Variants in AATF observed in about 807,000 individuals in gnomAD.
AATF encodes the protein protein AATF.
Under a neutral mutation model 63.7 loss-of-function variants are expected in AATF, and 48 were observed. The ratio of observed to expected loss-of-function variants is 0.75; its 90% CI spans 0.60 to 0.96. The LOEUF is 0.96. AATF is among the 40% of genes least tolerant of loss of function. AATF has a pLI of 0.00. For synonymous variants in AATF, 258 were observed against 247.7 expected, an observed-to-expected ratio of 1.04 and a Z score of -0.39; for missense variants, 639 against 685.7, an observed-to-expected ratio of 0.93 and a Z score of 0.76.
intron 8 of AATF, among the ~76,000 whole-genome samples, chr17:37,016,400 G>A (rs1049320078): frequency 2.6e-5 from 4 of 152,072 alleles, no homozygotes; most frequent in Non-Finnish European, 5.9e-5. Flanking sequence ...GGTTAAATAG[G>A]TTTCTGTGGC....
chr17:36,979,480 C>T (rs368476397), intron 4 of AATF, among the ~76,000 whole-genome samples: 1 of 151,982 alleles, frequency 6.6e-6, no homozygotes, highest in Non-Finnish European at 1.5e-5. Flanking sequence ...GCCAATATAT[C>T]GTGTGTCATT....
intron 4 of AATF, among the ~76,000 whole-genome samples, chr17:36,954,134 C>T (rs1174633754): frequency 6.9e-6 from 1 of 144,066 alleles, no homozygotes; most frequent in Non-Finnish European, 1.5e-5. Context: ...GTGGCGCGAT[C>T]ACAGGTTACT....
intron 11 of AATF, among the ~76,000 whole-genome samples, chr17:37,050,649 C>A (rs1567998969): frequency 6.6e-6 from 1 of 152,208 alleles, no homozygotes; most frequent in African/African-American, 2.4e-5. Flanking sequence ...GGATCCAGAC[C>A]CTGCTAGCCG....
intron 8 of AATF, among the ~76,000 whole-genome samples, chr17:37,018,433 TG>T (rs1277150946): frequency 6.6e-6 from 1 of 152,244 alleles, no homozygotes; most frequent in Non-Finnish European, 1.5e-5. Flanking sequence ...ATGAATGTGT[TG>T]GTATCATGTG....
intron 8 of AATF, among the ~76,000 whole-genome samples, chr17:37,002,843 A>T (rs1177214958): frequency 6.6e-6 from 1 of 151,810 alleles, no homozygotes; most frequent in Non-Finnish European, 1.5e-5. Context: ...TATTAAGATG[A>T]CAGTACTCCC....
Position 36,949,236 on chromosome 17 carries a change from G to C in AATF, c.91+20G>C. ...AGGAAGGTGAGGCCGGACTGGGGCA[G>C]GCCACGTGCGGAGCGGTGGGCCAGG... On this transcript the variant is annotated intron_variant, in intron 1 of 11. Coordinates refer to ENST00000619387, the MANE Select transcript of AATF (RefSeq NM_012138.4). 6.4e-7 allele frequency: 1 copy of C among 1,572,710 alleles called. No individual in the cohort carries two copies. The highest frequency in any genetic ancestry group is 8.6e-7 in the Non-Finnish European group (1 of 1,160,654).
intron 4 of AATF, among the ~76,000 whole-genome samples, chr17:36,970,104 T>C (rs2071027280): frequency 6.6e-6 from 1 of 152,218 alleles, no homozygotes; most frequent in South Asian, 2.1e-4. Context: ...TGTTTTTATA[T>C]GGACATAGAC....
At chr17:37,038,043 C>T (rs2071607362) in intron 11 of AATF, among the ~76,000 whole-genome samples, 1 of 152,142 alleles carries the variant, frequency 6.6e-6, no homozygotes, top group Admixed American at 6.5e-5. Context: ...TCCTGTACAG[C>T]CTGCAGAACC....
rs1248077929 is a variant in AATF, at chr17:36,949,088, T to G, written c.-38T>G. 1.2e-5 allele frequency: 18 copies of G among 1,518,842 alleles called. No homozygotes were observed. The highest frequency in any genetic ancestry group is 1.6e-5 in the Non-Finnish European group (18 of 1,118,278). The allele number at this position is 1,518,842 out of a possible 1,614,324, so 94.1% of individuals were successfully genotyped here. On this transcript the variant is annotated 5_prime_UTR_variant, in exon 1 of 12. Transcript: ENST00000619387. ...GGGGCCGGGGGTTGGGCCGCACATT[T>G]ACGTGCGCGAAGCGGAGTGGACCGG...
chr17:37,010,426 C>G (rs1049966506), intron 8 of AATF, among the ~76,000 whole-genome samples: 5 of 152,132 alleles, frequency 3.3e-5, no homozygotes, highest in Non-Finnish European at 7.4e-5. Context: ...CCACTGCACT[C>G]CAGCCTGGGC....
At chr17:37,021,553 C>T (rs1209186493) in intron 10 of AATF, among the ~76,000 whole-genome samples, 1 of 151,958 alleles carries the variant, frequency 6.6e-6, no homozygotes, top group Non-Finnish European at 1.5e-5. Context: ...CACTTGAACC[C>T]GGGAGGCGGA....
At chr17:37,000,520 ATTG>A (rs2071286194) in intron 8 of AATF, among the ~76,000 whole-genome samples, 1 of 152,098 alleles carries the variant, frequency 6.6e-6, no homozygotes. Flanking sequence ...GATTAGTTAT[ATTG>A]TTTATGATAC....
At chr17:36,960,023 T>G (rs372800691) in intron 4 of AATF, among the ~76,000 whole-genome samples, 1 of 150,298 alleles carries the variant, frequency 6.7e-6, no homozygotes, top group Non-Finnish European at 1.5e-5. Flanking sequence ...AAAATTTTTT[T>G]CCCCCCCCGA....
chr17:37,016,435 A>G (rs1281425988), intron 8 of AATF, among the ~76,000 whole-genome samples: 1 of 152,222 alleles, frequency 6.6e-6, no homozygotes, highest in Non-Finnish European at 1.5e-5. Context: ...AACTGTATCT[A>G]TGATTTTCCC....
At chr17:37,019,842 A>C (rs1168788032) in intron 9 of AATF, among the ~76,000 whole-genome samples, 2 of 152,248 alleles carry the variant, frequency 1.3e-5, no homozygotes, top group African/African-American at 4.8e-5. Flanking sequence ...TATTTCGTTT[A>C]TCTCTGGAAT....
chr17:36,949,035 C>T lies in AATF; in HGVS notation c.-91C>T, dbSNP rs927363234. The T allele has an allele frequency of 7.6e-6, 9 of 1,189,258 alleles. No individual in the cohort carries two copies. The highest frequency in any genetic ancestry group is 1.5e-5 in the African/African-American group (1 of 65,004). The allele number at this position is 1,189,258 out of a possible 1,614,324, so 73.7% of individuals were successfully genotyped here. On this transcript the variant is annotated 5_prime_UTR_variant, in exon 1 of 12. Coordinates refer to ENST00000619387, the MANE Select transcript of AATF (RefSeq NM_012138.4). ...GCGGAGTCGGGGAATCGGATCAAGG[C>T]GAGAGGATCCGGCAGGGAAGGAGCT...
intron 7 of AATF, among the ~76,000 whole-genome samples, chr17:36,989,943 A>AT (rs1230803953): frequency 4.1e-5 from 6 of 146,126 alleles, no homozygotes; most frequent in South Asian, 2.1e-4. Flanking sequence ...AAATTTTTTT[A>AT]TTTTTTTTGT....
At chr17:36,973,852 C>T (rs2071058776) in intron 4 of AATF, among the ~76,000 whole-genome samples, 1 of 152,118 alleles carries the variant, frequency 6.6e-6, no homozygotes, top group African/African-American at 2.4e-5. Flanking sequence ...AGGTGGATCA[C>T]TAGAGGTTAA....
chr17:36,995,225 T>C (rs1386830699), intron 8 of AATF, among the ~76,000 whole-genome samples: 1 of 152,248 alleles, frequency 6.6e-6, no homozygotes, highest in Non-Finnish European at 1.5e-5. Flanking sequence ...ATGACCACTT[T>C]GACGGGTTAA....
Sources: gnomAD v4.1 joint callset for allele counts (sites outside exome capture counted in the v4.1 genomes callset) on GRCh38, gnomAD v4.1.1 for gene constraint, MANE v1.5 for transcripts, NCBI Gene and HGNC (gene_info 2026-07-23, HGNC 2026-07-21) for gene names.